The following C12orf54 variants were observed in gnomAD, a reference collection of about 807,000 sequenced individuals.
C12orf54 encodes the protein chromosome 12 open reading frame 54, also known as uncharacterized protein C12orf54.
Under a neutral mutation model 26.4 loss-of-function variants are expected in C12orf54, and 24 were observed. The ratio of observed to expected loss-of-function variants is 0.91; its 90% CI spans 0.66 to 1.28. C12orf54 has a LOEUF of 1.28. C12orf54 is among the 50% of genes most tolerant of loss of function. C12orf54 has a pLI of 0.00. For missense variants in C12orf54, 154 were observed against 150.9 expected (o/e 1.02, Z -0.11); for synonymous variants, 54 against 47.0 (o/e 1.15, Z -0.61).
chr12:48,461,136 G>A, the C12orf54 span, among the ~76,000 whole-genome samples: 1 of 151,814 alleles, frequency 6.6e-6, no homozygotes, highest in African/African-American at 2.4e-5. Context: ...AATATCAGAG[G>A]GAGTAGATTC....
At chr12:48,434,101 C>T in the C12orf54 span, among the ~76,000 whole-genome samples, 1 of 152,210 alleles carries the variant, frequency 6.6e-6, no homozygotes, top group Non-Finnish European at 1.5e-5. Flanking sequence ...ACAAACGGCA[C>T]ACCAGGAGAT....
chr12:48,446,941 A>G, the C12orf54 span, among the ~76,000 whole-genome samples: 1 of 152,212 alleles, frequency 6.6e-6, no homozygotes, highest in Non-Finnish European at 1.5e-5. Context: ...AGGTAAGAAG[A>G]AAATAAGAAC....
chr12:48,457,270 T>G, the C12orf54 span, among the ~76,000 whole-genome samples: 1 of 109,496 alleles, frequency 9.1e-6, no homozygotes, highest in Non-Finnish European at 2.1e-5. Flanking sequence ...ACAAGCAGTT[T>G]TTTGTTGTTG....
the C12orf54 span, among the ~76,000 whole-genome samples, chr12:48,418,709 A>C: frequency 3.3e-5 from 5 of 152,316 alleles, no homozygotes; most frequent in South Asian, 1.0e-3. Flanking sequence ...ATGTAAAGGA[A>C]ACAGGGACAC....
At chr12:48,429,075 A>G in the C12orf54 span, among the ~76,000 whole-genome samples, 1 of 152,218 alleles carries the variant, frequency 6.6e-6, no homozygotes, top group East Asian at 1.9e-4. Context: ...TCACATGATC[A>G]TCTCAATAGA....
the C12orf54 span, among the ~76,000 whole-genome samples, chr12:48,414,241 G>A: frequency 1.3e-5 from 2 of 152,158 alleles, no homozygotes; most frequent in Admixed American, 1.3e-4. Flanking sequence ...TTCCTCACAT[G>A]TGGCAGTATG....
At chr12:48,418,223 A>G in the C12orf54 span, among the ~76,000 whole-genome samples, 1 of 152,188 alleles carries the variant, frequency 6.6e-6, no homozygotes, top group African/African-American at 2.4e-5. Flanking sequence ...CATGTATAAA[A>G]TGGTACAGGG....
At chr12:48,449,617 G>T in the C12orf54 span, among the ~76,000 whole-genome samples, 3 of 152,130 alleles carry the variant, frequency 2.0e-5, no homozygotes, top group Non-Finnish European at 4.4e-5. Flanking sequence ...TGTTAAGAAA[G>T]TTCCTTACTA....
chr12:48,483,605 G>C (rs1430616346), intron 2 of C12orf54: 1 of 441,100 alleles, frequency 2.3e-6, no homozygotes, highest in Non-Finnish European at 4.1e-6. Flanking sequence ...GGTTGGCGGG[G>C]TATACAAACT....
the C12orf54 span, among the ~76,000 whole-genome samples, chr12:48,439,496 C>T: frequency 2.0e-5 from 3 of 152,114 alleles, no homozygotes; most frequent in African/African-American, 7.2e-5. Flanking sequence ...TTGGAACTAA[C>T]CCAAATGTCC....
chr12:48,461,019 T>C, the C12orf54 span, among the ~76,000 whole-genome samples: 2 of 152,078 alleles, frequency 1.3e-5, no homozygotes, highest in African/African-American at 4.8e-5. Flanking sequence ...TGCTGCCTCA[T>C]AAGAAACCCA....
chr12:48,421,850 T>G, the C12orf54 span, among the ~76,000 whole-genome samples: 7 of 152,144 alleles, frequency 4.6e-5, no homozygotes, highest in African/African-American at 1.7e-4. Flanking sequence ...ATTATTGTTG[T>G]GAGTGGTTGC....
the C12orf54 span, among the ~76,000 whole-genome samples, chr12:48,440,050 C>A: frequency 6.6e-6 from 1 of 151,916 alleles, no homozygotes; most frequent in African/African-American, 2.4e-5. Context: ...CATGGCGAAA[C>A]CCTGTCTCTA....
chr12:48,426,843 TG>T, the C12orf54 span, among the ~76,000 whole-genome samples: 1 of 152,074 alleles, frequency 6.6e-6, no homozygotes, highest in Non-Finnish European at 1.5e-5. Context: ...TTGTGGTAAT[TG>T]TGAATGGGAT....
At chr12:48,432,605 C>T in the C12orf54 span, among the ~76,000 whole-genome samples, 4 of 152,362 alleles carry the variant, frequency 2.6e-5, no homozygotes, top group Admixed American at 2.0e-4. Context: ...CACACTGGCT[C>T]ATGCCTGTAA....
At chr12:48,436,191 T>C in the C12orf54 span, among the ~76,000 whole-genome samples, 2 of 152,154 alleles carry the variant, frequency 1.3e-5, no homozygotes, top group African/African-American at 2.4e-5. Context: ...AAGGGATCAA[T>C]TCAACAAGAA....
upstream of C12orf54, among the ~76,000 whole-genome samples, chr12:48,478,759 G>GA (rs1166251667): frequency 6.6e-6 from 1 of 152,112 alleles, no homozygotes; most frequent in Non-Finnish European, 1.5e-5. Context: ...AAAAACACAT[G>GA]AAAAAATGCT....
the C12orf54 span, among the ~76,000 whole-genome samples, chr12:48,438,885 A>G: frequency 6.6e-6 from 1 of 152,204 alleles, no homozygotes; most frequent in Non-Finnish European, 1.5e-5. Flanking sequence ...CAATGGCAAC[A>G]AAAGCCCAAA....
chr12:48,447,832 T>A, the C12orf54 span, among the ~76,000 whole-genome samples: 231 of 152,318 alleles, frequency 1.5e-3, no homozygotes, highest in Non-Finnish European at 2.6e-3. Flanking sequence ...TCTAATCACA[T>A]GAGTTTTTAA....
Sources: gnomAD v4.1 joint callset for allele counts (sites outside exome capture counted in the v4.1 genomes callset) on GRCh38, gnomAD v4.1.1 for gene constraint, MANE v1.5 for transcripts, NCBI Gene and HGNC (gene_info 2026-07-23, HGNC 2026-07-21) for gene names.